Variants in NEDD9 observed in about 807,000 individuals in gnomAD.
NEDD9 encodes enhancer of filamentation 1.
In NEDD9, 26 loss-of-function variants were observed where a neutral mutation model predicts 76.6. The ratio of observed to expected loss-of-function variants is 0.34; its 90% CI spans 0.25 to 0.47. NEDD9 has a LOEUF of 0.47. Ranked by LOEUF, NEDD9 falls within the 20% of genes least tolerant of loss-of-function variation. The pLI, the probability that NEDD9 is intolerant of heterozygous loss-of-function variation, is 1.00. For missense variants in NEDD9, 937 were observed against 1,058.5 expected (o/e 0.89, Z 1.59); for synonymous variants, 392 against 414.2 (o/e 0.95, Z 0.65).
At chr6:11,365,324 TATA>T (rs1339856370) in intron 1 of NEDD9, among the ~76,000 whole-genome samples, 1 of 152,328 alleles carries the variant, frequency 6.6e-6, no homozygotes, top group African/African-American at 2.4e-5. Flanking sequence ...ACCGCCTGCC[TATA>T]ATAAGTCATA....
intron 3 of NEDD9, among the ~76,000 whole-genome samples, chr6:11,276,921 G>T (rs4713335): frequency 0.071 from 10,849 of 152,176 alleles, 407 homozygotes; most frequent in Middle Eastern, 0.14. Flanking sequence ...CAAAGGAATA[G>T]CTCTTTGGTT....
At chr6:11,282,671 C>T (rs538337047) in intron 3 of NEDD9, among the ~76,000 whole-genome samples, 11 of 152,306 alleles carry the variant, frequency 7.2e-5, no homozygotes, top group Middle Eastern at 3.4e-3. Flanking sequence ...CTAAACCCTA[C>T]ATCCCATCCT....
intron 3 of NEDD9, among the ~76,000 whole-genome samples, chr6:11,245,361 C>CATAT (rs1269475474): frequency 1.3e-5 from 2 of 152,174 alleles, no homozygotes; most frequent in African/African-American, 4.8e-5. Context: ...AAAAGCAACC[C>CATAT]ATATTTTCAC....
At chr6:11,308,461 C>A (rs1197455244) in intron 2 of NEDD9, among the ~76,000 whole-genome samples, 1 of 150,556 alleles carries the variant, frequency 6.6e-6, no homozygotes, top group Non-Finnish European at 1.5e-5. Context: ...GCTCCGCCTC[C>A]CAGGTTCACG....
intron 1 of NEDD9, among the ~76,000 whole-genome samples, chr6:11,338,039 T>A (rs540984097): frequency 1.3e-5 from 2 of 152,224 alleles, no homozygotes; most frequent in South Asian, 4.2e-4. Context: ...ATGAGTTGAG[T>A]GCTGTCCCCT....
upstream of NEDD9, among the ~76,000 whole-genome samples, chr6:11,234,686 T>C (rs1181713563): frequency 6.6e-6 from 1 of 151,618 alleles, no homozygotes; most frequent in African/African-American, 2.4e-5. Flanking sequence ...CAGGTAAACC[T>C]GTGCTGGAAC....
intron 1 of NEDD9, among the ~76,000 whole-genome samples, chr6:11,338,820 G>T (rs1309195205): frequency 4.0e-5 from 6 of 151,658 alleles, no homozygotes; most frequent in Admixed American, 6.6e-5. Flanking sequence ...TACTTGGGAG[G>T]CTGAGGCAGG....
chr6:11,279,017 A>G (rs1300115247), intron 3 of NEDD9, among the ~76,000 whole-genome samples: 3 of 152,092 alleles, frequency 2.0e-5, no homozygotes, highest in African/African-American at 7.2e-5. Context: ...TATTATTTTT[A>G]TTATTACATT....
At chr6:11,362,607 C>T (rs564500772) in intron 1 of NEDD9, among the ~76,000 whole-genome samples, 1 of 152,340 alleles carries the variant, frequency 6.6e-6, no homozygotes, top group Admixed American at 6.5e-5. Flanking sequence ...CACTATAACT[C>T]TTGCTTGCTT....
At chr6:11,235,854 G>T (rs556782530), upstream of NEDD9, among the ~76,000 whole-genome samples, 84 of 152,278 alleles carry the variant, frequency 5.5e-4, no homozygotes, top group African/African-American at 1.8e-3. The surrounding 1 kb of genome is among the most constrained non-coding windows in gnomAD (Gnocchi z 4.1). Context: ...AGCTCAGAGA[G>T]GTAGGTGGTA....
In NEDD9 at chr6:11,185,228, T is replaced by C; in HGVS notation, c.2439A>G (p.Gln813=). Residue 813 remains glutamine (Q), a synonymous_variant, in exon 7 of 7, where the codon CAA becomes CAG. Transcript: ENST00000379446. ...GGGCATTTCTAGAAAGGTCTGTCAC[T>C]TGGTGCACCATTTCCTGCAGGGCCG... ...STTALQEMVH[Q]VTDLSRNAQL... 1 of 1,614,124 alleles carries C rather than the reference T, an allele frequency of 6.2e-7. No homozygotes were observed. The highest frequency in any genetic ancestry group is 8.5e-7 in the Non-Finnish European group (1 of 1,180,032).
At chr6:11,314,203 G>A (rs1377395693) in intron 2 of NEDD9, among the ~76,000 whole-genome samples, 4 of 152,156 alleles carry the variant, frequency 2.6e-5, no homozygotes, top group African/African-American at 7.2e-5. Context: ...ACATAAACAG[G>A]ACCTTTGGAT....
Position 11,330,702 on chromosome 6 carries a change from C to G in NEDD9, c.-153+3799G>C, listed in dbSNP as rs551547082. On this transcript the variant is annotated intron_variant, in intron 2 of 3. Coordinates refer to the NEDD9 transcript ENST00000397378. ...TCCTTGTGGCTTTTAGTCTAAGTCC[C>G]CAAGCACTGAAATATTTTGGTGCCT... Among the ~76,000 whole-genome samples, 88 of 152,282 alleles carry G rather than the reference C, an allele frequency of 5.8e-4. No individual in the cohort carries two copies. In the South Asian group the frequency reaches 0.017, roughly 29 times the overall value.
rs372960050 is a variant in NEDD9, at chr6:11,277,059, C to T, written c.12+28933G>A. On this transcript the variant is annotated intron_variant, in intron 3 of 3. Coordinates refer to the NEDD9 transcript ENST00000397378. ...CACAGTACAAGAGGGCTCTGATGCC[C>T]GGGGGGTGCATCTGGAAGTGACTAA... is the stretch of plus-strand genomic sequence containing the variant. Among the ~76,000 whole-genome samples, 9 of 152,178 alleles carry T rather than the reference C, an allele frequency of 5.9e-5. No individual in the cohort carries two copies. In the East Asian group the frequency reaches 7.7e-4, roughly 13 times the overall value.
chr6:11,340,015 C>T (rs1379000597), intron 1 of NEDD9, among the ~76,000 whole-genome samples: 1 of 152,220 alleles, frequency 6.6e-6, no homozygotes, highest in Admixed American at 6.5e-5. Context: ...GCTCTTTAAA[C>T]ATTAGTGATG....
chr6:11,247,195 C>T (rs549795753), intron 3 of NEDD9, among the ~76,000 whole-genome samples: 1 of 152,270 alleles, frequency 6.6e-6, no homozygotes, highest in Admixed American at 6.5e-5. Context: ...TCTTCCAGTC[C>T]ATTCTTTCCT....
intron 1 of NEDD9, among the ~76,000 whole-genome samples, chr6:11,335,823 C>T (rs1289497410): frequency 6.6e-6 from 1 of 152,190 alleles, no homozygotes; most frequent in African/African-American, 2.4e-5. Flanking sequence ...AGTCCCAAAC[C>T]ACAATTCCTT....
intron 2 of NEDD9, among the ~76,000 whole-genome samples, chr6:11,325,209 G>T (rs558844298): frequency 6.6e-6 from 1 of 152,166 alleles, no homozygotes; most frequent in South Asian, 2.1e-4. Flanking sequence ...ACAAAAATTA[G>T]CAGGGTGTGG....
At chr6:11,319,607 ACACT>A (rs1761710819) in intron 2 of NEDD9, among the ~76,000 whole-genome samples, 1 of 97,496 alleles carries the variant, frequency 1.0e-5, no homozygotes. Flanking sequence ...CTAACCATGC[ACACT>A]CACACTCACA....
Sources: allele counts gnomAD v4.1 joint callset (sites outside exome capture counted in the v4.1 genomes callset), GRCh38; gene constraint gnomAD v4.1.1; non-coding constraint Gnocchi (gnomAD v3.1); transcripts MANE v1.5; gene names NCBI Gene and HGNC (gene_info 2026-07-23, HGNC 2026-07-21).